The following ABL2 variants were observed in gnomAD, a reference collection of about 807,000 sequenced individuals.
The protein encoded by ABL2 is ABL proto-oncogene 2, non-receptor tyrosine kinase.
A neutral mutation model predicts 107.7 loss-of-function variants in ABL2; 49 were observed. The observed-to-expected ratio is 0.45, with a 90% CI of 0.36 to 0.58. ABL2 has a LOEUF of 0.58. ABL2 is among the 20% of genes least tolerant of loss of function. ABL2 has a pLI of 0.00. For synonymous variants in ABL2, 549 were observed against 548.6 expected (o/e 1.00, Z -0.01); for missense variants, 1,245 against 1,457.0 (o/e 0.85, Z 2.37).
intron 3 of ABL2, among the ~76,000 whole-genome samples, chr1:179,129,948 G>GT (rs11451321): frequency 0.016 from 2,412 of 152,040 alleles, 63 homozygotes; most frequent in African/African-American, 0.055. Flanking sequence ...TTTTGTTTTT[G>GT]TTTTTTTAAG....
intron 1 of ABL2, among the ~76,000 whole-genome samples, chr1:179,203,530 CT>C (rs928962961): frequency 4.3e-4 from 64 of 147,230 alleles, no homozygotes; most frequent in African/African-American, 1.0e-3. Context: ...AGTAAACAGT[CT>C]TTTTTTTTTG....
chr1:179,188,398 A>T (rs932073247), intron 1 of ABL2, among the ~76,000 whole-genome samples: 1 of 152,002 alleles, frequency 6.6e-6, no homozygotes, highest in Non-Finnish European at 1.5e-5. Flanking sequence ...AAAAAAAAAA[A>T]TAGCGGGACG....
intron 1 of ABL2, among the ~76,000 whole-genome samples, chr1:179,198,856 T>G (rs1177251541): frequency 6.6e-6 from 1 of 150,694 alleles, no homozygotes; most frequent in African/African-American, 2.4e-5. Flanking sequence ...TTTTTTTTTT[T>G]TTAAAGATGG....
intron 1 of ABL2, among the ~76,000 whole-genome samples, chr1:179,182,199 C>G (rs1257477447): frequency 1.3e-5 from 2 of 152,058 alleles, no homozygotes; most frequent in Non-Finnish European, 2.9e-5. Flanking sequence ...ACTTGCTCCT[C>G]TCTCACTTGG....
intron 1 of ABL2, chr1:179,143,150 T>C: frequency 7.1e-7 from 1 of 1,418,360 alleles, no homozygotes; most frequent in Non-Finnish European, 9.4e-7. Context: ...TTTACTCATG[T>C]ACTCAGTGGC....
At chr1:179,192,844 C>T (rs1434014003) in intron 1 of ABL2, among the ~76,000 whole-genome samples, 1 of 152,144 alleles carries the variant, frequency 6.6e-6, no homozygotes, top group African/African-American at 2.4e-5. Context: ...TAAAATTTTG[C>T]TATTTCAAGT....
rs552581251 is a variant in ABL2, at chr1:179,167,949, A to T, written c.158-34575T>A. ...AGCCGAGATCGTGCCACTGCACTCC[A>T]GCCTGGGTGACACAGCAAGACTCCA... On this transcript the variant is annotated intron_variant, in intron 1 of 11. Transcript: ENST00000502732. Among the ~76,000 whole-genome samples, 4 of 152,386 alleles carry T rather than the reference A, an allele frequency of 2.6e-5. No individual in the cohort carries two copies. In the South Asian group the frequency reaches 8.3e-4, roughly 32 times the overall value.
At position 179,107,969 on chromosome 1, in the gene ABL2, G is replaced by C; in HGVS notation, c.3298C>G (p.Leu1100Val). ...LECADLLSSA[L>V]TEPVPNSQLV... The stretch of plus-strand genomic sequence containing the variant: ...TGGCTGTTGGGCACAGGTTCCGTGA[G>C]TGCACTGGACAGTAGGTCAGCACAT... The change falls in exon 12 of 12, where the codon CTC (leucine) becomes GTC (valine). Residue 1100 changes from leucine (L) to valine (V), a missense_variant. Leu to Val is a conservative substitution (Grantham distance 32). Transcript: ENST00000502732. 1 of 1,614,260 alleles carries C rather than the reference G, an allele frequency of 6.2e-7. No individual in the cohort carries two copies. Among genetic ancestry groups the C allele is most frequent in the East Asian group, 2.2e-5 (1 of 44,892 alleles).
At chr1:179,135,389 T>G (rs1436334187) in intron 1 of ABL2, among the ~76,000 whole-genome samples, 2 of 149,946 alleles carry the variant, frequency 1.3e-5, no homozygotes, top group African/African-American at 5.0e-5. Context: ...TGCCACCCCG[T>G]CCGGGATGTG....
At chr1:179,111,415 A>G (rs1654069964) in intron 10 of ABL2, among the ~76,000 whole-genome samples, 1 of 149,692 alleles carries the variant, frequency 6.7e-6, no homozygotes, top group East Asian at 2.0e-4. Context: ...CCTCCCAAGT[A>G]GCTGGGATTA....
chr1:179,229,271 C>A lies in ABL2; in HGVS notation c.127G>T (p.Glu43Ter). ...RRRDPAGRTT[E>*]TGFNIFTQHD... ...TGGGTGAAGATATTGAAGCCGGTCT[C>A]TGTGGTGCGCCCCGCCGGGTCCCGC... The change falls in exon 1 of 12, where the codon GAG becomes TAG. Residue 43 changes from glutamate to a stop codon, truncating the protein, a stop_gained. Coordinates refer to ENST00000502732, the MANE Select transcript of ABL2 (RefSeq NM_007314.4). LOFTEE classifies it high-confidence loss of function. 6.4e-7 allele frequency: 1 copy of A among 1,562,762 alleles called. No homozygotes were observed. The highest frequency in any genetic ancestry group is 1.9e-5 in the Admixed American group (1 of 53,220).
In ABL2 at chr1:179,121,581, T is replaced by A; in HGVS notation, c.960+14A>T. 6.2e-7 allele frequency: 1 copy of A among 1,606,162 alleles called. No individual in the cohort carries two copies. The highest frequency in any genetic ancestry group is 8.5e-7 in the Non-Finnish European group (1 of 1,174,174). On this transcript the variant is annotated intron_variant, in intron 5 of 11. Transcript: ENST00000502732. ...GAAAAAGATGCCTGAAAACTGTAATTCTCAGCAACCCACCTTCAATGTTTT... is the reference window on the plus strand; with the variant it reads ...GAAAAAGATGCCTGAAAACTGTAATACTCAGCAACCCACCTTCAATGTTTT...
chr1:179,196,262 T>C (rs1009621754), intron 1 of ABL2, among the ~76,000 whole-genome samples: 10 of 152,260 alleles, frequency 6.6e-5, no homozygotes, highest in African/African-American at 2.4e-4. Context: ...TGTTTTTCTA[T>C]TCAAAATGCA....
intron 1 of ABL2, among the ~76,000 whole-genome samples, chr1:179,146,735 T>TC (rs1658009404): frequency 6.6e-6 from 1 of 152,174 alleles, no homozygotes; most frequent in African/African-American, 2.4e-5. Context: ...CTCCTTGTAC[T>TC]CACTCCATCC....
rs778724641 is a variant in ABL2 at position 179,109,185 on chromosome 1, A to G, written c.2082T>C (p.Ser694=). 2 of 1,613,830 alleles carry G rather than the reference A, an allele frequency of 1.2e-6. No homozygotes were observed. The highest frequency in any genetic ancestry group is 2.2e-5 in the South Asian group (2 of 91,050). ...ELTGNFSSVA[S]LQHADGFSFT... ...AAGAGAACCCATCAGCATGCTGTAG[A>G]GAAGCAACAGATGAGAAGTTACCCG... Residue 694 remains serine, a synonymous_variant, in exon 12 of 12, where the codon TCT becomes TCC. Coordinates refer to ENST00000502732, the MANE Select transcript of ABL2 (RefSeq NM_007314.4).
At chr1:179,189,977 T>A (rs1660904583) in intron 1 of ABL2, among the ~76,000 whole-genome samples, 1 of 152,068 alleles carries the variant, frequency 6.6e-6, no homozygotes, top group South Asian at 2.1e-4. Flanking sequence ...TGCACCACCA[T>A]GACGGGCTAA....
intron 5 of ABL2, 105 bp from the exon 6 acceptor site, chr1:179,120,379 A>G (rs1572634952): frequency 1.7e-6 from 1 of 597,720 alleles, no homozygotes; most frequent in East Asian, 3.0e-5. Flanking sequence ...TTTAAAAGTA[A>G]AAACTATCTT....
At chr1:179,213,934 C>A (rs1287931713) in intron 1 of ABL2, among the ~76,000 whole-genome samples, 1 of 151,722 alleles carries the variant, frequency 6.6e-6, no homozygotes, top group Non-Finnish European at 1.5e-5. Flanking sequence ...AGAGTAAGAC[C>A]CTATCTCTTA....
chr1:179,148,579 A>G (rs1454146472), intron 1 of ABL2, among the ~76,000 whole-genome samples: 1 of 152,082 alleles, frequency 6.6e-6, no homozygotes, highest in Non-Finnish European at 1.5e-5. Flanking sequence ...CCTCTCCTCA[A>G]GCCTATTCCT....
Sources: gnomAD v4.1 joint callset for allele counts (sites outside exome capture counted in the v4.1 genomes callset) on GRCh38, gnomAD v4.1.1 for gene constraint, MANE v1.5 for transcripts, NCBI Gene and HGNC (gene_info 2026-07-23, HGNC 2026-07-21) for gene names.